The following CACNA1D variants were observed in gnomAD, a reference collection of about 807,000 sequenced individuals.
The protein encoded by CACNA1D is voltage-dependent L-type calcium channel subunit alpha-1D.
In CACNA1D, 55 loss-of-function variants were observed where a neutral mutation model predicts 257.1. The ratio of observed to expected loss-of-function variants is 0.21; its 90% CI spans 0.17 to 0.27. The LOEUF (loss-of-function observed/expected upper bound fraction) is 0.27, where lower values mean the gene tolerates loss of function less well. Among genes scored for constraint, CACNA1D ranks in the 10% least tolerant of loss-of-function variants. The pLI, the probability that CACNA1D is intolerant of heterozygous loss-of-function variation, is 1.00. For synonymous variants in CACNA1D, 980 were observed against 1,014.9 expected, an observed-to-expected ratio of 0.97 and a Z score of 0.65; for missense variants, 1,876 against 2,784.0, an observed-to-expected ratio of 0.67 and a Z score of 7.34.
chr3:53,764,794 T>C (rs543514157), intron 30 of CACNA1D, among the ~76,000 whole-genome samples: 1 of 152,194 alleles, frequency 6.6e-6, no homozygotes, highest in Non-Finnish European at 1.5e-5. Context: ...CATTTGACAT[T>C]GGGGTATCTG....
intron 3 of CACNA1D, among the ~76,000 whole-genome samples, chr3:53,526,827 G>C (rs1343201619): frequency 6.6e-6 from 1 of 152,212 alleles, no homozygotes; most frequent in East Asian, 1.9e-4. Flanking sequence ...ATGGCACCTG[G>C]AACATAGTAC....
chr3:53,668,854 A>G (rs1390641354), intron 7 of CACNA1D, among the ~76,000 whole-genome samples: 1 of 152,182 alleles, frequency 6.6e-6, no homozygotes, highest in Non-Finnish European at 1.5e-5. Flanking sequence ...TGAATTTTGT[A>G]TGATTTTTCT....
At chr3:53,500,586 T>C (rs1338414419) in intron 2 of CACNA1D, among the ~76,000 whole-genome samples, 3 of 152,266 alleles carry the variant, frequency 2.0e-5, no homozygotes, top group Admixed American at 6.5e-5. Context: ...AGTTAAACCA[T>C]GGCCTTGCCT....
At chr3:53,760,519 G>A (rs986246192) in intron 29 of CACNA1D, among the ~76,000 whole-genome samples, 2 of 152,178 alleles carry the variant, frequency 1.3e-5, no homozygotes, top group Non-Finnish European at 2.9e-5. Flanking sequence ...GAAAAACACA[G>A]TTGGTTTATA....
At chr3:53,676,486 T>C (rs561475161) in intron 8 of CACNA1D, among the ~76,000 whole-genome samples, 1 of 152,366 alleles carries the variant, frequency 6.6e-6, no homozygotes, top group Admixed American at 6.5e-5. Flanking sequence ...GCATAGACCC[T>C]GAGGGACTGT....
intron 39 of CACNA1D, 114 bp from the exon 40 acceptor site, chr3:53,786,708 G>A (rs568022057): frequency 3.1e-5 from 24 of 777,896 alleles, no homozygotes; most frequent in South Asian, 2.4e-4. Flanking sequence ...CTTCTGCGCC[G>A]GACCGCCCAC....
intron 3 of CACNA1D, among the ~76,000 whole-genome samples, chr3:53,612,508 A>G (rs2093594048): frequency 6.6e-6 from 1 of 152,206 alleles, no homozygotes; most frequent in Non-Finnish European, 1.5e-5. Flanking sequence ...TGCTAACCCT[A>G]TGCGAATGCT....
intron 5 of CACNA1D, among the ~76,000 whole-genome samples, chr3:53,664,569 C>T (rs1282955751): frequency 1.3e-5 from 2 of 152,268 alleles, no homozygotes; most frequent in African/African-American, 4.8e-5. Flanking sequence ...TCACCACCCT[C>T]AAGCCCATAC....
intron 30 of CACNA1D, among the ~76,000 whole-genome samples, chr3:53,764,918 T>C (rs1406158746): frequency 3.3e-5 from 5 of 152,246 alleles, no homozygotes; most frequent in Admixed American, 3.3e-4. Context: ...CCTGGTCAGC[T>C]GTGGCCTGAG....
At chr3:53,741,756 T>A (rs2095120713) in intron 21 of CACNA1D, among the ~76,000 whole-genome samples, 1 of 152,178 alleles carries the variant, frequency 6.6e-6, no homozygotes, top group Non-Finnish European at 1.5e-5. Context: ...GCTTCTTGGT[T>A]TTAGAATTTG....
At chr3:53,749,037 C>A in intron 26 of CACNA1D, 1 of 671,326 alleles carries the variant, frequency 1.5e-6, no homozygotes, top group Admixed American at 2.1e-5. Context: ...ATTTTCAGTT[C>A]CTCAGAACAG....
At chr3:53,635,427 ATT>A (rs1462945351) in intron 3 of CACNA1D, among the ~76,000 whole-genome samples, 1 of 151,882 alleles carries the variant, frequency 6.6e-6, no homozygotes, top group Non-Finnish European at 1.5e-5. Flanking sequence ...GGTATTTTGT[ATT>A]GTTTCTCAAT....
At chr3:53,507,704 G>A (rs1225559615) in intron 3 of CACNA1D, among the ~76,000 whole-genome samples, 4 of 152,092 alleles carry the variant, frequency 2.6e-5, no homozygotes, top group Non-Finnish European at 5.9e-5. Flanking sequence ...TGCTCATTTG[G>A]TTTGTTTTTT....
At chr3:53,611,196 C>G (rs2093578881) in intron 3 of CACNA1D, among the ~76,000 whole-genome samples, 1 of 152,070 alleles carries the variant, frequency 6.6e-6, no homozygotes, top group South Asian at 2.1e-4. Context: ...CTAGCACAGG[C>G]AACGTAGCAA....
At chr3:53,538,764 TC>T (rs2092211567) in intron 3 of CACNA1D, among the ~76,000 whole-genome samples, 1 of 152,218 alleles carries the variant, frequency 6.6e-6, no homozygotes, top group African/African-American at 2.4e-5. Flanking sequence ...AAGGAGTCAG[TC>T]CTGCTGCTTT....
chr3:53,532,205 C>T (rs1317624847), intron 3 of CACNA1D, among the ~76,000 whole-genome samples: 1 of 152,156 alleles, frequency 6.6e-6, no homozygotes, highest in East Asian at 1.9e-4. Context: ...TGAAACAACA[C>T]CCAGGAAGTA....
intron 11 of CACNA1D, among the ~76,000 whole-genome samples, chr3:53,720,942 C>T (rs1042183375): frequency 2.6e-5 from 4 of 152,204 alleles, no homozygotes; most frequent in African/African-American, 9.6e-5. Context: ...TGCCTACATA[C>T]AAAGTTGTAA....
chr3:53,798,338 C>CGT (rs59321196), intron 40 of CACNA1D, among the ~76,000 whole-genome samples: 23 of 141,722 alleles, frequency 1.6e-4, no homozygotes, highest in African/African-American at 5.3e-4. Context: ...CGTGTGTGTG[C>CGT]GTGTGTGTGT....
intron 8 of CACNA1D, among the ~76,000 whole-genome samples, chr3:53,692,869 C>T (rs1412984305): frequency 6.6e-6 from 1 of 152,010 alleles, no homozygotes; most frequent in African/African-American, 2.4e-5. Flanking sequence ...ACTGCCCTGG[C>T]CAGCATAGAG....
Sources: allele counts gnomAD v4.1 joint callset (sites outside exome capture counted in the v4.1 genomes callset), GRCh38; gene constraint gnomAD v4.1.1; transcripts MANE v1.5; gene names NCBI Gene and HGNC (gene_info 2026-07-23, HGNC 2026-07-21).